Variants in VWC2 observed in about 807,000 individuals in gnomAD.
VWC2 encodes the protein von Willebrand factor C domain containing 2, also known as brorin.
VWC2 carries 14 observed loss-of-function variants against 29.8 expected under a neutral mutation model. The ratio of observed to expected loss-of-function variants is 0.47; its 90% confidence interval spans 0.31 to 0.74. The LOEUF is 0.74. VWC2 is among the 30% of genes least tolerant of loss of function. The pLI is 0.05. For missense variants in VWC2, 457 were observed against 459.8 expected (o/e 0.99, Z 0.05); for synonymous variants, 213 against 199.0 (o/e 1.07, Z -0.59).
rs1434066370 is a variant in VWC2, at chr7:49,916,857, C to A, written c.*4672C>A. ...GACACATCAAATACCCCAAATACCC[C>A]ATGGTAGTTTTCGGATGAACTCTGA... is the stretch of plus-strand genomic sequence containing the variant. On this transcript the variant is annotated 3_prime_UTR_variant, in exon 4 of 4. Coordinates refer to ENST00000340652, the MANE Select transcript of VWC2 (RefSeq NM_198570.5). 1 of 152,148 alleles carries A rather than the reference C, an allele frequency of 6.6e-6. No individual in the cohort carries two copies. Among genetic ancestry groups the A allele is most frequent in the Non-Finnish European group, 1.5e-5 (1 of 68,010 alleles). 9.4% of individuals were successfully genotyped at this position (152,148 alleles called of 1,614,324 possible).
chr7:49,842,174 AC>A (rs1682598895), intron 3 of VWC2, among the ~76,000 whole-genome samples: 1 of 152,004 alleles, frequency 6.6e-6, no homozygotes, highest in African/African-American at 2.4e-5. Context: ...GGCCAATTCA[AC>A]TCTTTTAAGT....
intron 1 of VWC2, among the ~76,000 whole-genome samples, chr7:49,774,989 G>A (rs1331525742): frequency 6.6e-6 from 1 of 152,164 alleles, no homozygotes; most frequent in African/African-American, 2.4e-5. Context: ...GACACCCTGG[G>A]TGCCTGAATT....
chr7:49,786,838 T>C (rs2128702638), intron 2 of VWC2, among the ~76,000 whole-genome samples: 1 of 152,344 alleles, frequency 6.6e-6, no homozygotes, highest in East Asian at 1.9e-4. Context: ...TTATTTGTTA[T>C]TTGTTTGCTG....
rs1443327157 is a variant in VWC2, at chr7:49,913,604, G to A, written c.*1419G>A. ...AAGAACCTATTAAGTACAAAGCATTGACAACAAGGGAATAAGGCTTGATTT... is the reference window on the plus strand; with the variant it reads ...AAGAACCTATTAAGTACAAAGCATTAACAACAAGGGAATAAGGCTTGATTT... On this transcript the variant is annotated 3_prime_UTR_variant, in exon 4 of 4. Coordinates refer to ENST00000340652, the MANE Select transcript of VWC2 (RefSeq NM_198570.5). 6.6e-6 allele frequency: 1 copy of A among 152,182 alleles called. No homozygotes were observed. Among genetic ancestry groups the A allele is most frequent in the South Asian group, 2.1e-4 (1 of 4,818 alleles). The allele number at this position is 152,182 out of a possible 1,614,324, so 9.4% of individuals were successfully genotyped here.
rs144975423 is a variant in VWC2 at position 49,862,254 on chromosome 7, T to G, written c.827-49780T>G. Among the ~76,000 whole-genome samples the G allele has an allele frequency of 3.8e-3, 584 of 152,318 alleles. 48 individuals carry two copies. The South Asian group carries it at 0.12, about 30-fold the overall frequency. ...TGCTATTGAAATAGAATTGCTCTCT[T>G]AAATTTCTTTTCAAATTATTCATTG... On this transcript the variant is annotated intron_variant, in intron 3 of 3. Transcript: ENST00000340652.
chr7:49,911,764 G>T (rs1164954484), intron 3 of VWC2, among the ~76,000 whole-genome samples: 1 of 151,824 alleles, frequency 6.6e-6, no homozygotes, highest in Non-Finnish European at 1.5e-5. Flanking sequence ...GGGTATAGTG[G>T]CATGCCCCTG....
intron 3 of VWC2, among the ~76,000 whole-genome samples, chr7:49,871,727 A>G (rs1791154369): frequency 6.6e-6 from 1 of 152,126 alleles, no homozygotes; most frequent in Non-Finnish European, 1.5e-5. Flanking sequence ...AGGTAAGGAA[A>G]AAAATCAAAA....
chr7:49,781,882 A>T (rs1466924701), intron 2 of VWC2, among the ~76,000 whole-genome samples: 1 of 152,142 alleles, frequency 6.6e-6, no homozygotes, highest in Non-Finnish European at 1.5e-5. Flanking sequence ...GACTAAAAGC[A>T]CTTAGTCCCA....
At chr7:49,822,121 A>C (rs1789274981) in intron 3 of VWC2, among the ~76,000 whole-genome samples, 1 of 152,202 alleles carries the variant, frequency 6.6e-6, no homozygotes, top group Non-Finnish European at 1.5e-5. Flanking sequence ...TGACATTAAA[A>C]AAATTGAATT....
intron 3 of VWC2, among the ~76,000 whole-genome samples, chr7:49,869,469 A>T (rs75118286): frequency 0.029 from 4,460 of 152,262 alleles, 180 homozygotes; most frequent in South Asian, 0.13. Context: ...ATAGGGAAAA[A>T]ATTATCTTGT....
Position 49,919,846 on chromosome 7 carries a change from A to T in VWC2, c.*7661A>T, listed in dbSNP as rs531026128. ...AAGAAAAAGATTTTCATTTTAAGATAGGCATCAGTGCAATAAAGGAGCTTG... is the reference window on the plus strand; with the variant it reads ...AAGAAAAAGATTTTCATTTTAAGATTGGCATCAGTGCAATAAAGGAGCTTG... On this transcript the variant is annotated 3_prime_UTR_variant, in exon 4 of 4. Transcript: ENST00000340652. The T allele has an allele frequency of 8.5e-5, 13 of 152,310 alleles. No individual in the cohort carries two copies. In the East Asian group the frequency reaches 1.3e-3, roughly 16 times the overall value. The allele number at this position is 152,310 out of a possible 1,614,324, so 9.4% of individuals were successfully genotyped here.
intron 3 of VWC2, among the ~76,000 whole-genome samples, chr7:49,862,142 C>A (rs1209485239): frequency 6.6e-6 from 1 of 152,100 alleles, no homozygotes; most frequent in African/African-American, 2.4e-5. Context: ...TTTGTGTTTT[C>A]TTTAATTTCT....
Position 49,856,825 on chromosome 7 carries a change from C to T in VWC2, c.826+53985C>T, listed in dbSNP as rs142541516. Reference sequence around the variant, plus strand: ...GAGATCGAGACCATCCTGGCTAACACGGTGAAACCCCATCTCTACTAAAAA... The same window carrying T: ...GAGATCGAGACCATCCTGGCTAACATGGTGAAACCCCATCTCTACTAAAAA... On this transcript the variant is annotated intron_variant, in intron 3 of 3. Transcript: ENST00000340652. 6.6e-3 allele frequency among the ~76,000 whole-genome samples: 994 copies of T among 151,750 alleles called. 8 individuals carry two copies. Among genetic ancestry groups the T allele is most frequent in the African/African-American group, 0.019 (770 of 41,400 alleles).
At chr7:49,896,187 A>T (rs1434390967) in intron 3 of VWC2, among the ~76,000 whole-genome samples, 1 of 152,154 alleles carries the variant, frequency 6.6e-6, no homozygotes, top group Non-Finnish European at 1.5e-5. Context: ...CTAAAAATAC[A>T]AAAATTAGTC....
At chr7:49,890,363 T>C (rs1792076012) in intron 3 of VWC2, among the ~76,000 whole-genome samples, 1 of 152,214 alleles carries the variant, frequency 6.6e-6, no homozygotes, top group African/African-American at 2.4e-5. Flanking sequence ...CAAAAGAACT[T>C]GTTCAAAAAC....
At chr7:49,775,081 A>G (rs939183359) in intron 1 of VWC2, among the ~76,000 whole-genome samples, 6 of 151,990 alleles carry the variant, frequency 3.9e-5, no homozygotes, top group African/African-American at 1.2e-4. Flanking sequence ...GCCCTTGGCC[A>G]TCTCCAACAC....
intron 3 of VWC2, among the ~76,000 whole-genome samples, chr7:49,817,503 A>C (rs2128708637): frequency 6.6e-6 from 1 of 152,324 alleles, no homozygotes; most frequent in East Asian, 1.9e-4. Context: ...AGAATAAGCC[A>C]ATGAATATTC....
rs151064042 is a variant in VWC2, at chr7:49,837,457, C to A, written c.826+34617C>A. Among the ~76,000 whole-genome samples the A allele has an allele frequency of 3.1e-3, 467 of 152,276 alleles. 4 individuals carry two copies. The highest frequency in any genetic ancestry group is 2.4e-3 in the Non-Finnish European group (161 of 68,040). On this transcript the variant is annotated intron_variant, in intron 3 of 3. Transcript: ENST00000340652. ...ACATGTGAAGGACTTTTGGGTCCCC[C>A]CTTATTAGCTTAAAACAGAAGAGGT... is the stretch of plus-strand genomic sequence containing the variant.
In VWC2 at chr7:49,808,803, G is replaced by A. The variant is rs574404564; in HGVS notation, c.826+5963G>A. On this transcript the variant is annotated intron_variant, in intron 3 of 3. Transcript: ENST00000340652. ...AACCCAAGGGCCAATGAAGAAATCT[G>A]AGAGATTTTAGAAAATGCTTTGAAC... Among the ~76,000 whole-genome samples, 10 of 152,122 alleles carry A rather than the reference G, an allele frequency of 6.6e-5. No individual in the cohort carries two copies. The South Asian group carries it at 1.9e-3, about 28-fold the overall frequency.
Sources: allele counts gnomAD v4.1 joint callset (sites outside exome capture counted in the v4.1 genomes callset), GRCh38; gene constraint gnomAD v4.1.1; transcripts MANE v1.5; gene names NCBI Gene and HGNC (gene_info 2026-07-23, HGNC 2026-07-21).